NALF1: variants seen among roughly 807,000 people sequenced by gnomAD.
NALF1 encodes the protein NALCN channel auxiliary factor 1.
Under a neutral mutation model 48.4 loss-of-function variants are expected in NALF1, and 3 were observed. The ratio of observed to expected loss-of-function variants is 0.06; its 90% CI spans 0.03 to 0.16. The LOEUF (loss-of-function observed/expected upper bound fraction) is 0.16, where lower values mean the gene tolerates loss of function less well. Among genes scored for constraint, NALF1 ranks in the 10% least tolerant of loss-of-function variants. NALF1 has a pLI of 1.00. For synonymous variants in NALF1, 262 were observed against 245.7 expected (o/e 1.07, Z -0.62); for missense variants, 526 against 571.5 (o/e 0.92, Z 0.81).
rs912896714 is a variant in NALF1 at position 107,356,766 on chromosome 13, A to G, written c.916-146011T>C. ...CAAAAGTAGCTAAAACTCAAACAGA[A>G]TAATTTTCTGGTTAACAGGTGTGGA... On this transcript the variant is annotated intron_variant, in intron 1 of 2. Transcript: ENST00000375915. 9.2e-5 allele frequency among the ~76,000 whole-genome samples: 14 copies of G among 152,366 alleles called. No individual in the cohort carries two copies. The East Asian group carries it at 2.3e-3, about 25-fold the overall frequency.
rs1555329806 is a variant in NALF1 at position 107,271,814 on chromosome 13, A to ATATTTATTTATT, written c.916-61060_916-61059insAATAAATAAATA. On this transcript the variant is annotated intron_variant, in intron 1 of 2. Coordinates refer to ENST00000375915, the MANE Select transcript of NALF1 (RefSeq NM_001080396.3). Reference sequence around the variant, plus strand: ...TATATATATATATATATATATATATATATTTATATATTTATATATACAAAT... The same window carrying ATATTTATTTATT: ...TATATATATATATATATATATATATATATTTATTTATTTATTTATATATTTATATATACAAAT... Among the ~76,000 whole-genome samples the ATATTTATTTATT allele has an allele frequency of 4.1e-3, 423 of 102,470 alleles. 6 individuals carry two copies. Among genetic ancestry groups the ATATTTATTTATT allele is most frequent in the African/African-American group, 0.012 (253 of 20,448 alleles). 67.2% of individuals were successfully genotyped at this position (102,470 alleles called of 152,430 possible). A position where few individuals can be genotyped will look rare whatever the true frequency, so the allele number is the denominator to read the frequency against.
intron 1 of NALF1, among the ~76,000 whole-genome samples, chr13:107,836,549 T>A (rs1483944149): frequency 6.6e-6 from 1 of 152,080 alleles, no homozygotes; most frequent in Non-Finnish European, 1.5e-5. Context: ...GGGATTTTTT[T>A]AATTTTATAA....
intron 2 of NALF1, among the ~76,000 whole-genome samples, chr13:107,188,225 G>A (rs1594061348): frequency 1.3e-5 from 2 of 152,166 alleles, no homozygotes; most frequent in African/African-American, 2.4e-5. Context: ...TGCTATGATA[G>A]TGATTTCACA....
intron 1 of NALF1, among the ~76,000 whole-genome samples, chr13:107,275,716 A>G (rs569219410): frequency 2.0e-5 from 3 of 152,358 alleles, no homozygotes; most frequent in Non-Finnish European, 4.4e-5. Context: ...GCGTGTCTCC[A>G]ACATTGCATG....
intron 1 of NALF1, among the ~76,000 whole-genome samples, chr13:107,494,468 G>T (rs553088775): frequency 1.3e-5 from 2 of 152,112 alleles, no homozygotes; most frequent in Non-Finnish European, 2.9e-5. Context: ...TTTTCATCTC[G>T]AGTAGATATG....
chr13:107,178,019 C>T (rs1011012435), intron 2 of NALF1, among the ~76,000 whole-genome samples: 1 of 152,100 alleles, frequency 6.6e-6, no homozygotes, highest in African/African-American at 2.4e-5. Flanking sequence ...TGCACTCCAG[C>T]CTGGGCGACA....
intron 2 of NALF1, among the ~76,000 whole-genome samples, chr13:107,192,240 G>A (rs879016572): frequency 3.3e-5 from 5 of 152,208 alleles, no homozygotes; most frequent in Admixed American, 6.5e-5. Flanking sequence ...CTCCTGACAC[G>A]GGGCACCAGC....
Position 107,599,938 on chromosome 13 carries a change from AT to A in NALF1, c.915+265743del, listed in dbSNP as rs977172131. Among the ~76,000 whole-genome samples the A allele has an allele frequency of 3.7e-4, 56 of 152,224 alleles. 1 individual carries two copies. The highest frequency in any genetic ancestry group is 1.3e-3 in the African/African-American group (53 of 41,540). ...GAGTCATATTTAAATAATTTTGATC[AT>A]TTCCCCACTATATGGCCTAACTCTG... is the stretch of plus-strand genomic sequence containing the variant. On this transcript the variant is annotated intron_variant, in intron 1 of 2. Coordinates refer to ENST00000375915, the MANE Select transcript of NALF1 (RefSeq NM_001080396.3).
At chr13:107,592,082 G>C (rs900401310) in intron 1 of NALF1, among the ~76,000 whole-genome samples, 10 of 151,874 alleles carry the variant, frequency 6.6e-5, no homozygotes, top group African/African-American at 9.7e-5. Context: ...GTGTACATGT[G>C]TAAATAATTT....
Position 107,170,472 on chromosome 13 carries a change from T to G in NALF1, c.*25A>C. 6.4e-7 allele frequency: 1 copy of G among 1,563,424 alleles called. No individual in the cohort carries two copies. The highest frequency in any genetic ancestry group is 1.7e-5 in the Admixed American group (1 of 58,916). On this transcript the variant is annotated 3_prime_UTR_variant, in exon 3 of 3. Transcript: ENST00000375915. The stretch of plus-strand genomic sequence containing the variant: ...CCATTTTTCACGGCGGGCCAGCTGC[T>G]GCTGTGGTGACACTCGTCCTTCCGT...
At chr13:107,841,394 G>A (rs1025039468) in intron 1 of NALF1, among the ~76,000 whole-genome samples, 2 of 152,024 alleles carry the variant, frequency 1.3e-5, no homozygotes, top group African/African-American at 4.8e-5. Context: ...TGATTATTTG[G>A]CACATTTGAT....
chr13:107,755,960 G>A (rs1031659325), intron 1 of NALF1, among the ~76,000 whole-genome samples: 3 of 152,146 alleles, frequency 2.0e-5, no homozygotes, highest in Non-Finnish European at 4.4e-5. Context: ...TAATGACACA[G>A]AGGTCACTAA....
At chr13:107,326,429 C>T (rs1882366040) in intron 1 of NALF1, among the ~76,000 whole-genome samples, 1 of 152,096 alleles carries the variant, frequency 6.6e-6, no homozygotes, top group South Asian at 2.1e-4. Context: ...ACCTTTCCTC[C>T]ATGCAAGACA....
chr13:107,361,876 A>C (rs1168723868), intron 1 of NALF1, among the ~76,000 whole-genome samples: 5 of 152,222 alleles, frequency 3.3e-5, no homozygotes, highest in Non-Finnish European at 7.3e-5. Context: ...AGGCAAGGCC[A>C]GATGATTCAC....
At chr13:107,418,559 C>A (rs1323938953) in intron 1 of NALF1, among the ~76,000 whole-genome samples, 1 of 151,988 alleles carries the variant, frequency 6.6e-6, no homozygotes, top group Non-Finnish European at 1.5e-5. Context: ...TTTCCCCCAA[C>A]TTTTATTTTA....
intron 1 of NALF1, among the ~76,000 whole-genome samples, chr13:107,443,736 G>C (rs1884604615): frequency 6.6e-6 from 1 of 152,104 alleles, no homozygotes; most frequent in African/African-American, 2.4e-5. Context: ...GTATGTAATA[G>C]GTACTGAGTG....
chr13:107,731,731 T>C (rs1227487338), intron 1 of NALF1, among the ~76,000 whole-genome samples: 1 of 152,176 alleles, frequency 6.6e-6, no homozygotes, highest in Non-Finnish European at 1.5e-5. Flanking sequence ...AAGGACATGA[T>C]CTCATTCCTT....
chr13:107,430,606 A>G (rs1884361860), intron 1 of NALF1, among the ~76,000 whole-genome samples: 1 of 152,184 alleles, frequency 6.6e-6, no homozygotes, highest in African/African-American at 2.4e-5. Flanking sequence ...AGCTTCATCC[A>G]TGTACCTACA....
intron 1 of NALF1, among the ~76,000 whole-genome samples, chr13:107,253,772 C>T (rs1396426996): frequency 6.6e-6 from 1 of 152,082 alleles, no homozygotes; most frequent in Non-Finnish European, 1.5e-5. Flanking sequence ...TTTGTGCATG[C>T]CACCCTTCAC....
Sources: gnomAD v4.1 joint callset for allele counts (sites outside exome capture counted in the v4.1 genomes callset) on GRCh38, gnomAD v4.1.1 for gene constraint, MANE v1.5 for transcripts, NCBI Gene and HGNC (gene_info 2026-07-23, HGNC 2026-07-21) for gene names.